The following STAT5B variants were observed in gnomAD, a reference collection of about 807,000 sequenced individuals.
STAT5B encodes transcription factor STAT5B.
In STAT5B, 21 loss-of-function variants were observed where a neutral mutation model predicts 107.8. The observed-to-expected ratio is 0.19, with a 90% CI of 0.14 to 0.28. The LOEUF (loss-of-function observed/expected upper bound fraction) is 0.28, where lower values mean the gene tolerates loss of function less well. STAT5B is among the 10% of genes least tolerant of loss of function. STAT5B has a pLI of 1.00. For missense variants in STAT5B, 565 were observed against 1,008.2 expected (o/e 0.56, Z 5.95); for synonymous variants, 325 against 401.7 (o/e 0.81, Z 2.28).
intron 1 of STAT5B, chr17:42,274,970 G>GT (rs1397640429): frequency 6.6e-6 from 1 of 152,286 alleles, no homozygotes; most frequent in African/African-American, 2.4e-5. Context: ...GATATTCAGT[G>GT]TCACGCTGGC....
intron 16 of STAT5B, among the ~76,000 whole-genome samples, chr17:42,203,235 T>C (rs1782012480): frequency 6.6e-6 from 1 of 152,098 alleles, no homozygotes; most frequent in South Asian, 2.1e-4. Context: ...GCCACCGCAC[T>C]TGGCCAAGCA....
At chr17:42,243,189 A>T (rs77911199) in intron 1 of STAT5B, among the ~76,000 whole-genome samples, 1 of 30,760 alleles carries the variant, frequency 3.3e-5, no homozygotes, top group Admixed American at 1.7e-4. Context: ...AAAAATAAAT[A>T]AAAAAAAAAT....
At chr17:42,224,646 C>A in intron 4 of STAT5B, 133 bp downstream of exon 4, 1 of 885,510 alleles carries the variant, frequency 1.1e-6, no homozygotes, top group Non-Finnish European at 1.8e-6. Flanking sequence ...TTCTTTTGTG[C>A]CCCTTAGGAT....
chr17:42,216,921 T>A lies in STAT5B; in HGVS notation c.1380+239A>T, dbSNP rs531384422. On this transcript the variant is annotated intron_variant, in intron 11 of 18. Transcript: ENST00000293328. The stretch of plus-strand genomic sequence containing the variant: ...CTTGAACTCTTGACCTCAAGTGACC[T>A]GACTGCCTCAACCTACCAAAGTGCT... 5.3e-5 allele frequency among the ~76,000 whole-genome samples: 8 copies of A among 152,200 alleles called. No individual in the cohort carries two copies. In the East Asian group the frequency reaches 1.5e-3, roughly 29 times the overall value.
chr17:42,248,145 C>T (rs1472602536), intron 1 of STAT5B, among the ~76,000 whole-genome samples: 3 of 151,682 alleles, frequency 2.0e-5, no homozygotes, highest in Non-Finnish European at 2.9e-5. Flanking sequence ...AGTGTGGTGG[C>T]GCATGCCTGT....
At chr17:42,215,605 C>T (rs980750269) in intron 12 of STAT5B, among the ~76,000 whole-genome samples, 4 of 152,024 alleles carry the variant, frequency 2.6e-5, no homozygotes, top group Non-Finnish European at 2.9e-5. Context: ...AAGAAAACAG[C>T]GTCTTTTTTC....
chr17:42,269,084 A>AT (rs1240847407), intron 1 of STAT5B, among the ~76,000 whole-genome samples: 1 of 151,900 alleles, frequency 6.6e-6, no homozygotes, highest in Non-Finnish European at 1.5e-5. Context: ...TAATTTATTT[A>AT]TTTTTTTGAG....
At chr17:42,241,360 G>A (rs530367158) in intron 1 of STAT5B, among the ~76,000 whole-genome samples, 1 of 149,734 alleles carries the variant, frequency 6.7e-6, no homozygotes, top group South Asian at 2.1e-4. Context: ...AAAAAAAAGA[G>A]CAAATTCCCT....
intron 1 of STAT5B, chr17:42,272,358 G>C (rs2080728085): frequency 6.6e-6 from 1 of 152,086 alleles, no homozygotes; most frequent in South Asian, 2.1e-4. Context: ...TGTAAACCCA[G>C]AGCAACTCCT....
At chr17:42,234,369 C>T (rs959265942) in intron 1 of STAT5B, 2 of 152,122 alleles carry the variant, frequency 1.3e-5, no homozygotes, top group Non-Finnish European at 2.9e-5. Context: ...CCCAATTTGA[C>T]CCAAGACATC....
intron 5 of STAT5B, among the ~76,000 whole-genome samples, chr17:42,220,515 A>G (rs11652628): frequency 0.18 from 26,659 of 151,996 alleles, 2,734 homozygotes; most frequent in East Asian, 0.5. Flanking sequence ...GAGCACAGCA[A>G]TCCCTCCTCA....
intron 9 of STAT5B, 68 bp downstream of exon 9, chr17:42,218,083 A>C: frequency 6.4e-7 from 1 of 1,569,648 alleles, no homozygotes; most frequent in Non-Finnish European, 8.6e-7. Flanking sequence ...CAGGAGGCAG[A>C]ATTCTTTTTT....
upstream of STAT5B, among the ~76,000 whole-genome samples, chr17:42,278,429 G>A (rs771152603): frequency 2.2e-4 from 33 of 152,200 alleles, no homozygotes; most frequent in South Asian, 6.2e-4. Flanking sequence ...GGTCTAGCCC[G>A]GTGTGGCGAC....
intron 5 of STAT5B, among the ~76,000 whole-genome samples, chr17:42,220,240 C>T (rs564344904): frequency 1.3e-5 from 2 of 152,362 alleles, no homozygotes; most frequent in East Asian, 1.9e-4. Flanking sequence ...CTTTCCTTTC[C>T]TGTGCCTTGG....
chr17:42,210,333 A>G (rs1317630546), intron 14 of STAT5B, 32 bp from the exon 15 acceptor site: 2 of 1,614,096 alleles, frequency 1.2e-6, no homozygotes, highest in Admixed American at 3.3e-5. Flanking sequence ...ACAGAAGCAG[A>G]GTGTGACTTA....
At chr17:42,213,238 G>A (rs921437738) in intron 12 of STAT5B, among the ~76,000 whole-genome samples, 1 of 151,814 alleles carries the variant, frequency 6.6e-6, no homozygotes, top group Non-Finnish European at 1.5e-5. Context: ...GTAAGGTCTC[G>A]CTCTGTCATC....
Position 42,211,972 on chromosome 17 carries a change from T to C in STAT5B, c.1680+12A>G. ...GACTGATCTAACAGCGGCTGGCAGC[T>C]GGGCTCCTCACCCTGTTGAACTGGG... On this transcript the variant is annotated intron_variant, in intron 13 of 18. Coordinates refer to ENST00000293328, the MANE Select transcript of STAT5B (RefSeq NM_012448.4). 6.2e-7 allele frequency: 1 copy of C among 1,605,712 alleles called. No homozygotes were observed.
intron 3 of STAT5B, among the ~76,000 whole-genome samples, chr17:42,225,446 AACT>A (rs1205771160): frequency 1.3e-5 from 2 of 152,164 alleles, no homozygotes. Context: ...GGGCAATCAA[AACT>A]ACTACCACCA....
chr17:42,278,090 A>C (rs1368404576), upstream of STAT5B, among the ~76,000 whole-genome samples: 2 of 152,168 alleles, frequency 1.3e-5, no homozygotes, highest in African/African-American at 4.8e-5. Context: ...TCATCCCTGC[A>C]CACATGCTAT....
Sources: allele counts gnomAD v4.1 joint callset (sites outside exome capture counted in the v4.1 genomes callset), GRCh38; gene constraint gnomAD v4.1.1; transcripts MANE v1.5; gene names NCBI Gene and HGNC (gene_info 2026-07-23, HGNC 2026-07-21).